The following PPP1CA variants were observed in gnomAD, a reference collection of about 807,000 sequenced individuals.
PPP1CA encodes the protein protein phosphatase 1 catalytic subunit alpha, also known as serine/threonine-protein phosphatase PP1-alpha catalytic subunit.
A neutral mutation model predicts 38.5 loss-of-function variants in PPP1CA; 14 were observed. The ratio of observed to expected loss-of-function variants is 0.36; its 90% confidence interval spans 0.24 to 0.57. The LOEUF (loss-of-function observed/expected upper bound fraction) is 0.57, where lower values mean the gene tolerates loss of function less well. Ranked by LOEUF, PPP1CA falls within the 20% of genes least tolerant of loss-of-function variation. PPP1CA has a pLI of 0.80. For synonymous variants in PPP1CA, 200 were observed against 177.3 expected, an observed-to-expected ratio of 1.13 and a Z score of -1.02; for missense variants, 277 against 435.2, an observed-to-expected ratio of 0.64 and a Z score of 3.23.
chr11:67,400,558 C>T, intron 3 of PPP1CA, 131 bp downstream of exon 3: 1 of 917,424 alleles, frequency 1.1e-6, no homozygotes, highest in Non-Finnish European at 1.7e-6. Flanking sequence ...GAGAACGGAC[C>T]TGGGCCCCGC....
intron 6 of PPP1CA, 27 bp from the exon 7 acceptor site, chr11:67,398,672 C>T: frequency 1.2e-6 from 2 of 1,613,626 alleles, no homozygotes; most frequent in Non-Finnish European, 1.7e-6. Flanking sequence ...TGGTCAGGCT[C>T]ATGGGGCTGA....
Position 67,401,802 on chromosome 11 carries a change from C to T in PPP1CA, c.-20G>A. On this transcript the variant is annotated 5_prime_UTR_variant, in exon 1 of 7. Transcript: ENST00000376745. ...GGACATGGCGGCGCCGCCGCTCCAGCCCAGCAGCTCCTGGCCCGCTCCTGC... is the reference window on the plus strand; with the variant it reads ...GGACATGGCGGCGCCGCCGCTCCAGTCCAGCAGCTCCTGGCCCGCTCCTGC... 2 of 1,459,724 alleles carry T rather than the reference C, an allele frequency of 1.4e-6. No individual in the cohort carries two copies. Among genetic ancestry groups the T allele is most frequent in the Middle Eastern group, 1.8e-4 (1 of 5,412 alleles). The allele number at this position is 1,459,724 out of a possible 1,614,324, so 90.4% of individuals were successfully genotyped here. A position where few individuals can be genotyped will look rare whatever the true frequency, so the allele number is the denominator to read the frequency against.
Position 67,398,554 on chromosome 11 carries a change from G to A in PPP1CA, c.974C>T (p.Ser325Phe). 2.5e-6 allele frequency: 4 copies of A among 1,614,094 alleles called. No individual in the cohort carries two copies. In the South Asian group the frequency reaches 3.3e-5, roughly 13 times the overall value. Residue 325 changes from serine to phenylalanine, a missense_variant, in exon 7 of 7, where the codon TCC (serine) becomes TTC (phenylalanine). Around this residue, in one of 3 missense-constraint regions of PPP1CA, gnomAD observed 53 missense variants for 51.1 expected, o/e 1.04. Coordinates refer to ENST00000376745, the MANE Select transcript of PPP1CA (RefSeq NM_002708.4). The stretch of plus-strand genomic sequence containing the variant: ...CGGGGGCTATTTCTTGGCTTTGGCG[G>A]AATTGCGGGGTGGGGTGATGGGTCG... Reference protein sequence around the residue: ...GGRPITPPRNSAKAKK With the variant: ...GGRPITPPRNFAKAKK
chr11:67,398,403 G>GAA lies in PPP1CA; in HGVS notation c.*130_*131dup. On this transcript the variant is annotated 3_prime_UTR_variant, in exon 7 of 7. Coordinates refer to ENST00000376745, the MANE Select transcript of PPP1CA (RefSeq NM_002708.4). ...CTATTGATTCATTAAAAAAAGAAAAGAAAAATACACCAAGGCTCCATGTTC... is the reference window on the plus strand; with the variant it reads ...CTATTGATTCATTAAAAAAAGAAAAGAAAAAAATACACCAAGGCTCCATGTTC... 1 of 919,090 alleles carries GAA rather than the reference G, an allele frequency of 1.1e-6. No individual in the cohort carries two copies. Among genetic ancestry groups the GAA allele is most frequent in the South Asian group, 1.7e-5 (1 of 58,000 alleles). The allele number at this position is 919,090 out of a possible 1,614,324, so 56.9% of individuals were successfully genotyped here. A position where few individuals can be genotyped will look rare whatever the true frequency, so the allele number is the denominator to read the frequency against.
Position 67,399,011 on chromosome 11 carries a change from TAA to T in PPP1CA, c.674_675del (p.Phe225TyrfsTer52). On this transcript the variant is annotated frameshift_variant, in exon 5 of 7. Transcript: ENST00000376745. LOFTEE classifies it high-confidence loss of function. ...GWGENDRGVS[F>X]TFGAEVVAKF... ...TTGGCCACCACCTCGGCTCCAAAGG[TAA>T]AAGAGACGCCACGGTCGTTCTCGCC... The T allele has an allele frequency of 3.1e-6, 5 of 1,613,340 alleles. No individual in the cohort carries two copies. Among genetic ancestry groups the T allele is most frequent in the Non-Finnish European group, 4.2e-6 (5 of 1,180,004 alleles).
chr11:67,400,154 A>G (rs1158846214), intron 3 of PPP1CA, among the ~76,000 whole-genome samples: 1 of 152,214 alleles, frequency 6.6e-6, no homozygotes, highest in Non-Finnish European at 1.5e-5. Context: ...GTAAAGAAAC[A>G]GGGTCTTGCT....
chr11:67,399,285 T>G, intron 4 of PPP1CA, 122 bp from the exon 5 acceptor site: 1 of 940,338 alleles, frequency 1.1e-6, no homozygotes, highest in Non-Finnish European at 1.6e-6. Context: ...CCTGGGCGCC[T>G]AGACAGGCAG....
intron 3 of PPP1CA, among the ~76,000 whole-genome samples, chr11:67,400,390 G>A (rs1023259062): frequency 6.6e-6 from 1 of 152,220 alleles, no homozygotes; most frequent in African/African-American, 2.4e-5. Flanking sequence ...CTCAGCTTCT[G>A]GACAGCAGAG....
In PPP1CA at chr11:67,400,870, G is replaced by C. The variant is rs1392131630; in HGVS notation, c.237C>G (p.Gly79=). ...GGTAGTTGCTCTCGGGAGGGAAACC[G>C]CCATACTCAAATAGTCGCAGAAGGT... ...YYDLLRLFEY[G]GFPPESNYLF... Residue 79 remains glycine (G), a synonymous_variant, in exon 3 of 7, where the codon GGC becomes GGG. Coordinates refer to ENST00000376745, the MANE Select transcript of PPP1CA (RefSeq NM_002708.4). The C allele has an allele frequency of 1.2e-6, 2 of 1,614,120 alleles. No individual in the cohort carries two copies. Among genetic ancestry groups the C allele is most frequent in the Non-Finnish European group, 1.7e-6 (2 of 1,180,026 alleles).
chr11:67,401,343 G>T, intron 1 of PPP1CA, 144 bp from the exon 2 acceptor site: 1 of 1,401,626 alleles, frequency 7.1e-7, no homozygotes, highest in Admixed American at 2.1e-5. Flanking sequence ...TGAGCCTCCC[G>T]GGACCGCGGC....
At position 67,398,386 on chromosome 11, in the gene PPP1CA, T is replaced by A. The variant is rs1862786624; in HGVS notation, c.*149A>T. 1 of 775,322 alleles carries A rather than the reference T, an allele frequency of 1.3e-6. No individual in the cohort carries two copies. Among genetic ancestry groups the A allele is most frequent in the Non-Finnish European group, 2.0e-6 (1 of 492,890 alleles). 48.0% of individuals were successfully genotyped at this position (775,322 alleles called of 1,614,324 possible). A position where few individuals can be genotyped will look rare whatever the true frequency, so the allele number is the denominator to read the frequency against. On this transcript the variant is annotated 3_prime_UTR_variant, in exon 7 of 7. Coordinates refer to ENST00000376745, the MANE Select transcript of PPP1CA (RefSeq NM_002708.4). ...TGGGGGACTGGACGCTGCTATTGAT[T>A]CATTAAAAAAAGAAAAGAAAAATAC...
chr11:67,401,818 C>T lies in PPP1CA; in HGVS notation c.-36G>A. The T allele has an allele frequency of 7.1e-7, 1 of 1,400,198 alleles. No individual in the cohort carries two copies. The highest frequency in any genetic ancestry group is 9.4e-7 in the Non-Finnish European group (1 of 1,065,410). The allele number at this position is 1,400,198 out of a possible 1,614,324, so 86.7% of individuals were successfully genotyped here. A position where few individuals can be genotyped will look rare whatever the true frequency, so the allele number is the denominator to read the frequency against. On this transcript the variant is annotated 5_prime_UTR_variant, in exon 1 of 7. Transcript: ENST00000376745. ...CCGCTCCAGCCCAGCAGCTCCTGGC[C>T]CGCTCCTGCCTCCCGCCCTCCGGCA...
chr11:67,401,646 C>G, intron 1 of PPP1CA, 82 bp downstream of exon 1: 1 of 1,185,258 alleles, frequency 8.4e-7, no homozygotes, highest in South Asian at 3.2e-5. Context: ...AAGCTGGCCC[C>G]GGGGGCCCGC....
In PPP1CA at chr11:67,398,743, C is replaced by T. The variant is rs760031545; in HGVS notation, c.861G>A (p.Glu287=). Residue 287 remains glutamate (E), a synonymous_variant, in exon 6 of 7, where the codon GAG becomes GAA. Transcript: ENST00000376745. ...TCACCTGGAAAGAGCACATGAGGGT[C>T]TCGTCCACACTCATCATGGCGCCAG... ...DNAGAMMSVD[E]TLMCSFQILK... 4 of 1,613,864 alleles carry T rather than the reference C, an allele frequency of 2.5e-6. No individual in the cohort carries two copies. The South Asian group carries it at 4.4e-5, about 18-fold the overall frequency.
Position 67,398,360 on chromosome 11 carries a change from C to T in PPP1CA, c.*175G>A, listed in dbSNP as rs1862784738. On this transcript the variant is annotated 3_prime_UTR_variant, in exon 7 of 7. Coordinates refer to ENST00000376745, the MANE Select transcript of PPP1CA (RefSeq NM_002708.4). ...CCGCAGGTGCAGGCAGGAAGCAGCC[C>T]TGGGGGACTGGACGCTGCTATTGAT... 3.0e-6 allele frequency: 2 copies of T among 676,986 alleles called. No individual in the cohort carries two copies. Among genetic ancestry groups the T allele is most frequent in the Non-Finnish European group, 2.4e-6 (1 of 410,288 alleles). 41.9% of individuals were successfully genotyped at this position (676,986 alleles called of 1,614,324 possible). A position where few individuals can be genotyped will look rare whatever the true frequency, so the allele number is the denominator to read the frequency against.
At position 67,399,077 on chromosome 11, in the gene PPP1CA, G is replaced by A. The variant is rs142601206; in HGVS notation, c.610C>T (p.Leu204=). 1.5e-5 allele frequency: 24 copies of A among 1,613,516 alleles called. No individual in the cohort carries two copies. Among genetic ancestry groups the A allele is most frequent in the Non-Finnish European group, 1.8e-5 (21 of 1,180,034 alleles). The part of the protein sequence containing the change: ...DVPDQGLLCD[L]LWSDPDKDVQ... ...TCCTTGTCAGGGTCAGACCACAGCAGGTCACACAGCAGGCCCTGGTCAGGC... is the reference window on the plus strand; with the variant it reads ...TCCTTGTCAGGGTCAGACCACAGCAAGTCACACAGCAGGCCCTGGTCAGGC... The change falls in exon 5 of 7, where the codon CTG becomes TTG. Residue 204 remains leucine (L), a synonymous_variant. Transcript: ENST00000376745.
Position 67,400,884 on chromosome 11 carries a change from G to A in PPP1CA, c.223C>T (p.Leu75=), listed in dbSNP as rs1280775678. Residue 75 remains leucine (L), a synonymous_variant, in exon 3 of 7, where the codon CTA becomes TTA. Coordinates refer to ENST00000376745, the MANE Select transcript of PPP1CA (RefSeq NM_002708.4). ...GGAGGGAAACCGCCATACTCAAATA[G>A]TCGCAGAAGGTCGTAGTACTGGCCG... ...IHGQYYDLLR[L]FEYGGFPPES... 6.2e-7 allele frequency: 1 copy of A among 1,614,120 alleles called. No individual in the cohort carries two copies. The highest frequency in any genetic ancestry group is 1.3e-5 in the African/African-American group (1 of 75,046).
chr11:67,400,976 C>T, intron 2 of PPP1CA, 57 bp from the exon 3 acceptor site: 1 of 1,608,984 alleles, frequency 6.2e-7, no homozygotes, highest in African/African-American at 1.3e-5. Context: ...AACCCAGGGC[C>T]AGGACTGCGC....
In PPP1CA at chr11:67,401,847, TC is replaced by T; in HGVS notation, c.-66del. The T allele has an allele frequency of 7.8e-7, 1 of 1,279,650 alleles. No homozygotes were observed. The highest frequency in any genetic ancestry group is 1.0e-6 in the Non-Finnish European group (1 of 996,156). 79.3% of individuals were successfully genotyped at this position (1,279,650 alleles called of 1,614,324 possible). A position where few individuals can be genotyped will look rare whatever the true frequency, so the allele number is the denominator to read the frequency against. On this transcript the variant is annotated 5_prime_UTR_variant, in exon 1 of 7. Coordinates refer to ENST00000376745, the MANE Select transcript of PPP1CA (RefSeq NM_002708.4). The stretch of plus-strand genomic sequence containing the variant: ...TCCTGCCTCCCGCCCTCCGGCAGCC[TC>T]CTTCCGGCCTGGCTCTCCTTCCGCC...
Sources: allele counts gnomAD v4.1 joint callset (sites outside exome capture counted in the v4.1 genomes callset), GRCh38; gene constraint gnomAD v4.1.1; regional missense constraint gnomAD v4.1.1; transcripts MANE v1.5; gene names NCBI Gene and HGNC (gene_info 2026-07-23, HGNC 2026-07-21).